PTPRD: variants seen among roughly 807,000 people sequenced by gnomAD.
The protein encoded by PTPRD is receptor-type tyrosine-protein phosphatase delta.
In PTPRD, 34 loss-of-function variants were observed where a neutral mutation model predicts 214.5. The observed-to-expected ratio is 0.16, with a 90% CI of 0.12 to 0.21. PTPRD has a LOEUF of 0.21. Ranked by LOEUF, PTPRD falls within the 10% of genes least tolerant of loss-of-function variation. PTPRD has a pLI of 1.00. For missense variants in PTPRD, 2,545 were observed against 2,398.7 expected, an observed-to-expected ratio of 1.06 and a Z score of -1.27; for synonymous variants, 1,128 against 845.7, an observed-to-expected ratio of 1.33 and a Z score of -5.79.
chr9:9,828,239 G>C (rs1396638051), intron 5 of PTPRD, among the ~76,000 whole-genome samples: 4 of 152,098 alleles, frequency 2.6e-5, no homozygotes, highest in African/African-American at 7.2e-5. Context: ...CAATAGCAAA[G>C]ACTTGGAACC....
At position 9,571,951 on chromosome 9, in the gene PTPRD, A is replaced by C. The variant is rs199550858; in HGVS notation, c.-237+2781T>G. ...GGAGTCCATTAACTGTAAAAGTTTA[A>C]ACGATATTATGGTTTAGAGAAACCA... On this transcript the variant is annotated intron_variant, in intron 8 of 45. Coordinates refer to ENST00000381196, the MANE Select transcript of PTPRD (RefSeq NM_002839.4). 2.0e-5 allele frequency among the ~76,000 whole-genome samples: 3 copies of C among 151,330 alleles called. No homozygotes were observed. In the East Asian group the frequency reaches 5.8e-4, roughly 29 times the overall value.
chr9:9,540,125 T>G (rs1195401934), intron 8 of PTPRD, among the ~76,000 whole-genome samples: 1 of 151,830 alleles, frequency 6.6e-6, no homozygotes, highest in Non-Finnish European at 1.5e-5. Flanking sequence ...CTACTGCATA[T>G]GTAGCTTTGC....
At chr9:9,480,755 A>T (rs565801614) in intron 8 of PTPRD, among the ~76,000 whole-genome samples, 11 of 152,298 alleles carry the variant, frequency 7.2e-5, no homozygotes, top group African/African-American at 2.6e-4. Flanking sequence ...TCTTGATAAA[A>T]ATACAACATT....
intron 3 of PTPRD, among the ~76,000 whole-genome samples, chr9:10,271,066 C>G (rs2094391445): frequency 6.6e-6 from 1 of 152,020 alleles, no homozygotes; most frequent in African/African-American, 2.4e-5. Context: ...CTCAAGTGAT[C>G]TTTTGTTTCG....
rs565445381 is a variant in PTPRD, at chr9:10,424,563, T to C, written c.-599-83546A>G. On this transcript the variant is annotated intron_variant, in intron 2 of 45. Coordinates refer to ENST00000381196, the MANE Select transcript of PTPRD (RefSeq NM_002839.4). ...ATCATGTGGATGCTCTCCTGACGCT[T>C]ACTTGTCCTCTCTCCCACCTGTCTT... Among the ~76,000 whole-genome samples, 55 of 152,060 alleles carry C rather than the reference T, an allele frequency of 3.6e-4. 1 individual carries two copies. The highest frequency in any genetic ancestry group is 1.2e-3 in the African/African-American group (50 of 41,544).
At chr9:9,421,979 A>C (rs899354333) in intron 8 of PTPRD, among the ~76,000 whole-genome samples, 3 of 151,910 alleles carry the variant, frequency 2.0e-5, no homozygotes, top group Admixed American at 1.3e-4. Flanking sequence ...TGTAAGTGAC[A>C]CCAGTATTGA....
chr9:9,471,376 C>T (rs1313099128), intron 8 of PTPRD, among the ~76,000 whole-genome samples: 1 of 152,118 alleles, frequency 6.6e-6, no homozygotes, highest in Non-Finnish European at 1.5e-5. Context: ...CATGGAACAA[C>T]CTACAAAGCG....
rs1015739436 is a variant in PTPRD, at chr9:8,964,200, T to G, written c.-104+54497A>C. Among the ~76,000 whole-genome samples, 190 of 142,452 alleles carry G rather than the reference T, an allele frequency of 1.3e-3. 7 individuals are homozygous for G. The highest frequency in any genetic ancestry group is 4.7e-3 in the African/African-American group (180 of 38,690). The allele number at this position is 142,452 out of a possible 152,430, so 93.5% of individuals were successfully genotyped here. A position where few individuals can be genotyped will look rare whatever the true frequency, so the allele number is the denominator to read the frequency against. ...ATCTAGTTCAGGGCTGTGTTTTTTT[T>G]TTTTTTTTTTTTTTTTTGCTGATTC... is the stretch of plus-strand genomic sequence containing the variant. On this transcript the variant is annotated intron_variant, in intron 11 of 45. Transcript: ENST00000381196.
rs5896384 is a variant in PTPRD at position 10,297,580 on chromosome 9, GTT to G, written c.-545+43381_-545+43382del. Among the ~76,000 whole-genome samples, 614 of 144,432 alleles carry G rather than the reference GTT, an allele frequency of 4.3e-3. 6 individuals carry two copies. The highest frequency in any genetic ancestry group is 0.016 in the East Asian group (78 of 4,864). 94.8% of individuals were successfully genotyped at this position (144,432 alleles called of 152,430 possible). ...ATGGCACATCTCTGTAATGAGTTGT[GTT>G]TTTTTTTTTTTCCCTAAAAATATGC... is the stretch of plus-strand genomic sequence containing the variant. On this transcript the variant is annotated intron_variant, in intron 3 of 45. Transcript: ENST00000381196.
chr9:10,188,039 T>G (rs2154316575), intron 3 of PTPRD, among the ~76,000 whole-genome samples: 1 of 152,346 alleles, frequency 6.6e-6, no homozygotes, highest in African/African-American at 2.4e-5. Flanking sequence ...GGCAACACTT[T>G]AATACACCAT....
intron 3 of PTPRD, among the ~76,000 whole-genome samples, chr9:10,110,762 C>T (rs1038647561): frequency 6.6e-6 from 1 of 152,128 alleles, no homozygotes; most frequent in African/African-American, 2.4e-5. Flanking sequence ...TAGCTCCTGG[C>T]TAATTGAGAG....
intron 27 of PTPRD, among the ~76,000 whole-genome samples, chr9:8,490,798 G>A (rs2097134217): frequency 1.3e-5 from 2 of 152,130 alleles, no homozygotes; most frequent in Admixed American, 1.3e-4. Context: ...ATTCTTTACA[G>A]GTTGTAGAAA....
intron 3 of PTPRD, among the ~76,000 whole-genome samples, chr9:10,162,656 TATACATGTATATGTATATAC>T (rs2099134480): frequency 6.8e-6 from 1 of 147,568 alleles, no homozygotes; most frequent in Admixed American, 6.8e-5. Context: ...TATACACATA[TATACATGTATATGTATATAC>T]ATGTATATAT....
chr9:8,732,995 G>A (rs2098676472), intron 12 of PTPRD, among the ~76,000 whole-genome samples: 1 of 152,196 alleles, frequency 6.6e-6, no homozygotes, highest in Non-Finnish European at 1.5e-5. Flanking sequence ...ACACATGTCA[G>A]GGAGTACAAG....
At chr9:9,506,746 G>T (rs554053414) in intron 8 of PTPRD, among the ~76,000 whole-genome samples, 1 of 151,308 alleles carries the variant, frequency 6.6e-6, no homozygotes, top group African/African-American at 2.4e-5. Flanking sequence ...CTGGAGTAAT[G>T]CAAGTTACAA....
chr9:8,340,841 T>C (rs1270018906), intron 41 of PTPRD, among the ~76,000 whole-genome samples: 1 of 152,110 alleles, frequency 6.6e-6, no homozygotes, highest in Non-Finnish European at 1.5e-5. Context: ...ACAAAACAGA[T>C]TCTTTATTAA....
intron 9 of PTPRD, among the ~76,000 whole-genome samples, chr9:9,220,656 C>A (rs2099955358): frequency 6.6e-6 from 1 of 151,870 alleles, no homozygotes; most frequent in Admixed American, 6.6e-5. Context: ...GGGTTGAATT[C>A]AAATATTGAT....
intron 9 of PTPRD, among the ~76,000 whole-genome samples, chr9:9,332,367 A>G (rs2042646329): frequency 6.6e-6 from 1 of 152,014 alleles, no homozygotes; most frequent in Non-Finnish European, 1.5e-5. Flanking sequence ...AGATAACTAG[A>G]TGATCTACAT....
At chr9:9,157,813 C>T (rs1189548809) in intron 10 of PTPRD, among the ~76,000 whole-genome samples, 5 of 152,124 alleles carry the variant, frequency 3.3e-5, no homozygotes, top group Non-Finnish European at 7.3e-5. Flanking sequence ...CACAGATCAT[C>T]CCATTACCCA....
Sources: allele counts gnomAD v4.1 joint callset (sites outside exome capture counted in the v4.1 genomes callset), GRCh38; gene constraint gnomAD v4.1.1; transcripts MANE v1.5; gene names NCBI Gene and HGNC (gene_info 2026-07-23, HGNC 2026-07-21).